OCA2: variants seen among roughly 807,000 people sequenced by gnomAD.
OCA2 encodes the protein P protein.
In OCA2, 77 loss-of-function variants were observed where a neutral mutation model predicts 100.2. The ratio of observed to expected loss-of-function variants is 0.77; its 90% confidence interval spans 0.64 to 0.93. The LOEUF is 0.93. OCA2 is among the 40% of genes least tolerant of loss of function. The pLI is 0.00. For missense variants in OCA2, 1,062 were observed against 1,089.1 expected (o/e 0.98, Z 0.35); for synonymous variants, 432 against 439.2 (o/e 0.98, Z 0.21).
rs751822606 is a variant in OCA2, at chr15:27,926,171, A to G, written c.2035T>C (p.Trp679Arg). The G allele has an allele frequency of 1.2e-6, 2 of 1,614,036 alleles. No individual in the cohort carries two copies. The highest frequency in any genetic ancestry group is 2.7e-5 in the African/African-American group (2 of 74,952). ...GCTGCAAAAAACAGAAGGGTTGCCC[A>G]TTCCACTCTGTGTAGAATTATCTCA... ...DFEIILHRVE[W>R]ATLLFFAALF... The change falls in exon 19 of 24, where the codon TGG becomes CGG. Residue 679 changes from tryptophan to arginine, a missense_variant. Coordinates refer to ENST00000354638, the MANE Select transcript of OCA2 (RefSeq NM_000275.3).
At chr15:27,768,328 G>A (rs930860775) in intron 23 of OCA2, among the ~76,000 whole-genome samples, 14 of 152,294 alleles carry the variant, frequency 9.2e-5, no homozygotes, top group African/African-American at 3.1e-4. Flanking sequence ...AAAATTATCA[G>A]GTCCAGAGAG....
chr15:28,010,483 C>T (rs917709334), intron 9 of OCA2, among the ~76,000 whole-genome samples: 1 of 151,882 alleles, frequency 6.6e-6, no homozygotes, highest in African/African-American at 2.4e-5. Context: ...TTTTTAAAAA[C>T]TCTGAGAAGT....
At chr15:27,978,215 G>T (rs1235189417) in intron 14 of OCA2, among the ~76,000 whole-genome samples, 1 of 152,134 alleles carries the variant, frequency 6.6e-6, no homozygotes, top group Non-Finnish European at 1.5e-5. Context: ...TTATGGCCTA[G>T]AATCCATTTC....
chr15:27,740,138 G>A, the OCA2 span, among the ~76,000 whole-genome samples: 6 of 152,266 alleles, frequency 3.9e-5, no homozygotes, highest in South Asian at 2.1e-4. Flanking sequence ...TTCCATAGAC[G>A]TGACTTACAG....
chr15:27,939,526 C>CT lies in OCA2; in HGVS notation c.1951+12257_1951+12258insA, dbSNP rs140637575. Reference sequence around the variant, plus strand: ...TTTACTGATGACTTACGAGGTTGAGCACCTTTTCATATGCTCATTTATTCA... The same window carrying CT: ...TTTACTGATGACTTACGAGGTTGAGCTACCTTTTCATATGCTCATTTATTCA... On this transcript the variant is annotated intron_variant, in intron 18 of 23. Coordinates refer to ENST00000354638, the MANE Select transcript of OCA2 (RefSeq NM_000275.3). Among the ~76,000 whole-genome samples, 1,036 of 152,308 alleles carry CT rather than the reference C, an allele frequency of 6.8e-3. 16 individuals carry two copies. The highest frequency in any genetic ancestry group is 0.024 in the African/African-American group (986 of 41,556).
In OCA2 at chr15:27,853,642, A is replaced by T. The variant is rs190160031; in HGVS notation, c.2245-2167T>A. ...GCCCCCTTGTGGCTTATGTTGCTAGAAGGAGCTGGGAAGGACACAGCCATT... is the reference window on the plus strand; with the variant it reads ...GCCCCCTTGTGGCTTATGTTGCTAGTAGGAGCTGGGAAGGACACAGCCATT... On this transcript the variant is annotated intron_variant, in intron 21 of 23. Coordinates refer to ENST00000354638, the MANE Select transcript of OCA2 (RefSeq NM_000275.3). 3.2e-4 allele frequency among the ~76,000 whole-genome samples: 49 copies of T among 151,882 alleles called. No individual in the cohort carries two copies. In the East Asian group the frequency reaches 6.1e-3, roughly 19 times the overall value.
chr15:27,949,418 T>C (rs1459199212), intron 18 of OCA2, among the ~76,000 whole-genome samples: 1 of 152,180 alleles, frequency 6.6e-6, no homozygotes, highest in Non-Finnish European at 1.5e-5. Flanking sequence ...ATCCCCGCAC[T>C]TTGGGAGGCT....
intron 23 of OCA2, among the ~76,000 whole-genome samples, chr15:27,832,294 G>C (rs890820707): frequency 6.6e-6 from 1 of 152,074 alleles, no homozygotes; most frequent in African/African-American, 2.4e-5. Context: ...TGGCCTCCCC[G>C]GGGCCACTCG....
chr15:28,070,723 C>T lies in OCA2; in HGVS notation c.227+10925G>A, dbSNP rs968851510. ...ATGGCGGCTTTGTGGAATAGAAAGG[C>T]GGGAAAGGTGGGGAAGAGATTGAGA... On this transcript the variant is annotated intron_variant, in intron 2 of 23. Transcript: ENST00000354638. 6.6e-3 allele frequency among the ~76,000 whole-genome samples: 981 copies of T among 148,280 alleles called. 5 individuals carry two copies. Among genetic ancestry groups the T allele is most frequent in the African/African-American group, 0.023 (917 of 39,046 alleles).
intron 19 of OCA2, among the ~76,000 whole-genome samples, chr15:27,922,366 A>G (rs2038888246): frequency 6.6e-6 from 1 of 152,258 alleles, no homozygotes; most frequent in South Asian, 2.1e-4. Context: ...GGAGATGATC[A>G]GCACCATATA....
At chr15:27,784,527 C>T (rs1329735054) in intron 23 of OCA2, among the ~76,000 whole-genome samples, 2 of 152,146 alleles carry the variant, frequency 1.3e-5, no homozygotes, top group Admixed American at 6.5e-5. Context: ...AAACCAGACT[C>T]AGGTATGACA....
chr15:27,937,867 G>A (rs1416234376), intron 18 of OCA2, among the ~76,000 whole-genome samples: 2 of 152,054 alleles, frequency 1.3e-5, no homozygotes, highest in African/African-American at 4.8e-5. Flanking sequence ...GTGGCTTCTT[G>A]TTCACTCATT....
the OCA2 span, among the ~76,000 whole-genome samples, chr15:27,740,978 A>C: frequency 1.2e-4 from 18 of 152,310 alleles, no homozygotes; most frequent in East Asian, 3.1e-3. Flanking sequence ...GTTTGATAAC[A>C]GTAAGTAGAG....
At chr15:28,021,945 C>CCAGATT (rs2042608137) in intron 6 of OCA2, among the ~76,000 whole-genome samples, 1 of 152,180 alleles carries the variant, frequency 6.6e-6, no homozygotes, top group South Asian at 2.1e-4. Flanking sequence ...CTCAACACAG[C>CCAGATT]CAGATTCTCA....
At chr15:27,898,471 C>A (rs2037798991) in intron 19 of OCA2, among the ~76,000 whole-genome samples, 1 of 152,182 alleles carries the variant, frequency 6.6e-6, no homozygotes, top group Non-Finnish European at 1.5e-5. Flanking sequence ...TTGCCTGCTG[C>A]TATCCATGTA....
rs114493995 is a variant in OCA2, at chr15:28,043,085, A to G, written c.228-10922T>C. ...AAATATTGAATATAAATGGATATTA[A>G]TAATTGGCAAAAAAGTATAATCATA... On this transcript the variant is annotated intron_variant, in intron 2 of 23. Transcript: ENST00000354638. This position sits in a 1 kb window ranked among gnomAD's most constrained non-coding sequence, Gnocchi z 4.4. 8.9e-4 allele frequency among the ~76,000 whole-genome samples: 136 copies of G among 152,372 alleles called. No individual in the cohort carries two copies. The highest frequency in any genetic ancestry group is 3.2e-3 in the African/African-American group (135 of 41,594).
At chr15:27,732,048 G>T in the OCA2 span, among the ~76,000 whole-genome samples, 1 of 152,192 alleles carries the variant, frequency 6.6e-6, no homozygotes, top group African/African-American at 2.4e-5. Flanking sequence ...GAGTGAGTAG[G>T]TCTGCTAATG....
At chr15:28,065,248 C>A (rs1164126514) in intron 2 of OCA2, among the ~76,000 whole-genome samples, 3 of 152,116 alleles carry the variant, frequency 2.0e-5, no homozygotes, top group African/African-American at 7.2e-5. Flanking sequence ...GCATGCATCT[C>A]ACCCTAATTA....
intron 2 of OCA2, among the ~76,000 whole-genome samples, chr15:28,072,521 C>G (rs551187108): frequency 7.0e-6 from 1 of 142,578 alleles, no homozygotes; most frequent in East Asian, 2.1e-4. Context: ...ACCTGGAAGG[C>G]AGAGCTTGCA....
Sources: gnomAD v4.1 joint callset for allele counts (sites outside exome capture counted in the v4.1 genomes callset) on GRCh38, gnomAD v4.1.1 for gene constraint, Gnocchi (gnomAD v3.1) non-coding constraint, MANE v1.5 for transcripts, NCBI Gene and HGNC (gene_info 2026-07-23, HGNC 2026-07-21) for gene names.